Variants in CD200 observed in about 807,000 individuals in gnomAD.
The protein encoded by CD200 is OX-2 membrane glycoprotein.
In CD200, 15 loss-of-function variants were observed where a neutral mutation model predicts 30.9. That is an observed-to-expected ratio of 0.49 (90% CI 0.32 to 0.75). The LOEUF is 0.75. Ranked by LOEUF, CD200 falls within the 30% of genes least tolerant of loss-of-function variation. CD200 has a pLI of 0.03. For synonymous variants in CD200, 134 were observed against 126.2 expected, an observed-to-expected ratio of 1.06 and a Z score of -0.41; for missense variants, 262 against 324.2, an observed-to-expected ratio of 0.81 and a Z score of 1.47.
intron 1 of CD200, among the ~76,000 whole-genome samples, chr3:112,336,451 GA>G (rs777147606): frequency 2.6e-5 from 4 of 151,890 alleles, no homozygotes; most frequent in Admixed American, 6.6e-5. Flanking sequence ...GAGTGATAAG[GA>G]AAATGAATTC....
In CD200 at chr3:112,361,883, T is replaced by A. The variant is rs1418542858; in HGVS notation, c.*333T>A. Reference sequence around the variant, plus strand: ...GGGCTCCTACTGGTGGGGACCTCTGTTAGTCACTTTACCTCATCCAAAGTA... The same window carrying A: ...GGGCTCCTACTGGTGGGGACCTCTGATAGTCACTTTACCTCATCCAAAGTA... On this transcript the variant is annotated 3_prime_UTR_variant, in exon 6 of 6. Transcript: ENST00000315711. 1 of 347,012 alleles carries A rather than the reference T, an allele frequency of 2.9e-6. No individual in the cohort carries two copies. The highest frequency in any genetic ancestry group is 5.2e-6 in the Non-Finnish European group (1 of 190,962). 21.5% of individuals were successfully genotyped at this position (347,012 alleles called of 1,614,324 possible).
intron 1 of CD200, chr3:112,334,345 G>C: frequency 1.6e-6 from 1 of 624,914 alleles, no homozygotes; most frequent in Non-Finnish European, 2.0e-6. Context: ...CATGGCAAGG[G>C]TTATAAGTGG....
At chr3:112,346,601 G>A (rs578076353) in intron 3 of CD200, among the ~76,000 whole-genome samples, 6 of 152,050 alleles carry the variant, frequency 3.9e-5, no homozygotes, top group East Asian at 1.9e-4. Flanking sequence ...TTCTTCCAGC[G>A]CTCACAGACA....
Position 112,347,619 on chromosome 3 carries a change from T to A in CD200, c.483T>A (p.Ser161=). The A allele has an allele frequency of 1.9e-6, 3 of 1,614,028 alleles. No homozygotes were observed. The highest frequency in any genetic ancestry group is 2.5e-6 in the Non-Finnish European group (3 of 1,179,920). ...AAGACCACCTAAATATCACTTGCTCTGCCACTGCCCGCCCAGCCCCCATGG... is the reference window on the plus strand; with the variant it reads ...AAGACCACCTAAATATCACTTGCTCAGCCACTGCCCGCCCAGCCCCCATGG... ...FSEDHLNITC[S]ATARPAPMVF... is the part of the protein sequence containing the mutation. The change falls in exon 4 of 6, where the codon TCT becomes TCA. Residue 161 remains serine (S), a synonymous_variant. Transcript: ENST00000315711.
intron 1 of CD200, among the ~76,000 whole-genome samples, chr3:112,335,433 G>T (rs539337175): frequency 6.6e-6 from 1 of 152,288 alleles, no homozygotes; most frequent in South Asian, 2.1e-4. Context: ...AAATATATCT[G>T]CAAAGAATAA....
intron 5 of CD200, among the ~76,000 whole-genome samples, chr3:112,354,875 T>C (rs1483393918): frequency 6.6e-6 from 1 of 152,138 alleles, no homozygotes; most frequent in Non-Finnish European, 1.5e-5. Context: ...TTCCTTGCCT[T>C]GCATCTTCAA....
At chr3:112,361,277 C>A (rs372581608) in intron 5 of CD200, among the ~76,000 whole-genome samples, 11 of 152,158 alleles carry the variant, frequency 7.2e-5, no homozygotes, top group Admixed American at 3.3e-4. Flanking sequence ...AACTTCTGGG[C>A]TCAAATGATC....
intron 5 of CD200, among the ~76,000 whole-genome samples, chr3:112,351,208 T>C (rs934127793): frequency 6.6e-6 from 1 of 152,212 alleles, no homozygotes; most frequent in African/African-American, 2.4e-5. Context: ...CCCGGTGCCC[T>C]GACCTCTGCC....
intron 5 of CD200, among the ~76,000 whole-genome samples, chr3:112,359,210 A>G (rs1246823089): frequency 6.6e-6 from 1 of 152,236 alleles, no homozygotes; most frequent in Non-Finnish European, 1.5e-5. Context: ...TCAAGTAATC[A>G]ACCATTCAAA....
upstream of CD200, chr3:112,333,134 A>T: frequency 1.2e-5 from 19 of 1,539,760 alleles, no homozygotes; most frequent in Non-Finnish European, 1.7e-5. Context: ...GGCACAGGTG[A>T]CGCTCCTCCC....
chr3:112,358,761 A>G (rs1445614448), intron 5 of CD200, among the ~76,000 whole-genome samples: 3 of 152,178 alleles, frequency 2.0e-5, no homozygotes, highest in Non-Finnish European at 4.4e-5. Context: ...TGTCCTTACC[A>G]CAACTTGGCT....
At chr3:112,350,377 T>C (rs1006983893) in intron 5 of CD200, among the ~76,000 whole-genome samples, 1 of 152,174 alleles carries the variant, frequency 6.6e-6, no homozygotes, top group Non-Finnish European at 1.5e-5. Flanking sequence ...TATACCAGGG[T>C]CTGAATAAAT....
chr3:112,333,016 A>G, upstream of CD200: 2 of 686,392 alleles, frequency 2.9e-6, no homozygotes, highest in Non-Finnish European at 2.4e-6. Context: ...GAATATAAAC[A>G]TCATTTAATT....
At chr3:112,355,373 T>G (rs1382644297) in intron 5 of CD200, among the ~76,000 whole-genome samples, 3 of 152,222 alleles carry the variant, frequency 2.0e-5, no homozygotes, top group Admixed American at 1.3e-4. Flanking sequence ...TATCACTAAC[T>G]ATAATATTAC....
intron 5 of CD200, among the ~76,000 whole-genome samples, chr3:112,356,025 CACA>C (rs1398563832): frequency 1.3e-5 from 2 of 152,196 alleles, no homozygotes; most frequent in South Asian, 2.1e-4. Flanking sequence ...TTGCAAAAAT[CACA>C]ACTTCAATGT....
chr3:112,348,786 T>C (rs1291410242), intron 4 of CD200, among the ~76,000 whole-genome samples: 1 of 152,080 alleles, frequency 6.6e-6, no homozygotes, highest in East Asian at 1.9e-4. Context: ...AGACTTGCAG[T>C]GTTGGATTTG....
At chr3:112,350,799 T>C (rs1276316141) in intron 5 of CD200, among the ~76,000 whole-genome samples, 1 of 152,248 alleles carries the variant, frequency 6.6e-6, no homozygotes, top group African/African-American at 2.4e-5. Flanking sequence ...TTATGTTTTA[T>C]AGAAATGTTT....
chr3:112,345,217 G>T lies in CD200; in HGVS notation c.350G>T (p.Gly117Val). The change falls in exon 3 of 6, where the codon GGG becomes GTG. Residue 117 changes from glycine (G) to valine (V), a missense_variant. Coordinates refer to ENST00000315711, the MANE Select transcript of CD200 (RefSeq NM_005944.7). ...TFWNITLEDEGCYMCLFNTFG... is the reference protein window; with the variant it reads ...TFWNITLEDEVCYMCLFNTFG... ...TGGAATATCACCCTGGAGGATGAAG[G>T]GTGTTACATGTGTCTCTTCAATACC... is the stretch of plus-strand genomic sequence containing the variant. 1 of 1,614,042 alleles carries T rather than the reference G, an allele frequency of 6.2e-7. No homozygotes were observed. The highest frequency in any genetic ancestry group is 8.5e-7 in the Non-Finnish European group (1 of 1,179,946).
intron 1 of CD200, chr3:112,334,072 G>C (rs1435868476): frequency 6.1e-6 from 6 of 985,386 alleles, no homozygotes; most frequent in Non-Finnish European, 6.0e-6. Flanking sequence ...TAACAAAGGA[G>C]AATGGTGGTC....
Sources: allele counts gnomAD v4.1 joint callset (sites outside exome capture counted in the v4.1 genomes callset), GRCh38; gene constraint gnomAD v4.1.1; transcripts MANE v1.5; gene names NCBI Gene and HGNC (gene_info 2026-07-23, HGNC 2026-07-21).